The following PCNX2 variants were observed in gnomAD, a reference collection of about 807,000 sequenced individuals.
The protein encoded by PCNX2 is pecanex-like protein 2.
PCNX2 carries 168 observed loss-of-function variants against 223.8 expected under a neutral mutation model. The observed-to-expected ratio is 0.75, with a 90% CI of 0.66 to 0.85. The LOEUF (loss-of-function observed/expected upper bound fraction) is 0.85, where lower values mean the gene tolerates loss of function less well. Ranked by LOEUF, PCNX2 falls within the 40% of genes least tolerant of loss-of-function variation. PCNX2 has a pLI of 0.00. For synonymous variants in PCNX2, 1,006 were observed against 1,052.6 expected (o/e 0.96, Z 0.86); for missense variants, 2,507 against 2,675.5 (o/e 0.94, Z 1.39).
chr1:233,208,294 G>A (rs1681603553), intron 13 of PCNX2, among the ~76,000 whole-genome samples: 1 of 152,196 alleles, frequency 6.6e-6, no homozygotes, highest in South Asian at 2.1e-4. Context: ...TTATAGTGCT[G>A]CAACTTCTTG....
At chr1:233,068,467 TCTC>T (rs996124064) in intron 23 of PCNX2, among the ~76,000 whole-genome samples, 1 of 152,120 alleles carries the variant, frequency 6.6e-6, no homozygotes, top group Admixed American at 6.5e-5. Flanking sequence ...TAGACGTCCT[TCTC>T]CTCATGTGTC....
intron 12 of PCNX2, among the ~76,000 whole-genome samples, chr1:233,216,180 C>T (rs192012544): frequency 6.6e-6 from 1 of 152,246 alleles, no homozygotes; most frequent in Admixed American, 6.5e-5. Flanking sequence ...GCGGTGAACT[C>T]GGTACAGAGG....
intron 25 of PCNX2, among the ~76,000 whole-genome samples, chr1:233,044,092 T>C (rs574816361): frequency 0.083 from 12,640 of 152,054 alleles, 560 homozygotes; most frequent in African/African-American, 0.12. Context: ...TTTTTAATGA[T>C]TGCCATTCTA....
chr1:233,212,451 G>C (rs2102918680), intron 12 of PCNX2, among the ~76,000 whole-genome samples: 1 of 152,206 alleles, frequency 6.6e-6, no homozygotes, highest in East Asian at 1.9e-4. Context: ...GATTCTTTAA[G>C]CTTAGTTTAT....
chr1:233,237,387 C>G (rs1263141971), intron 8 of PCNX2, among the ~76,000 whole-genome samples: 1 of 152,110 alleles, frequency 6.6e-6, no homozygotes, highest in Non-Finnish European at 1.5e-5. Context: ...GAGATGAACA[C>G]CTCTGCTACC....
chr1:233,108,155 G>A (rs1184007882), intron 21 of PCNX2, among the ~76,000 whole-genome samples: 7 of 152,196 alleles, frequency 4.6e-5, no homozygotes, highest in Admixed American at 4.6e-4. Context: ...GGGCTGCGTT[G>A]TCTGTGGAGG....
chr1:233,310,903 GCT>G, the PCNX2 span, among the ~76,000 whole-genome samples: 1 of 152,086 alleles, frequency 6.6e-6, no homozygotes, highest in African/African-American at 2.4e-5. Flanking sequence ...CTAACAATCA[GCT>G]CTCTCATTAC....
chr1:233,017,675 C>G (rs945305392), intron 26 of PCNX2, among the ~76,000 whole-genome samples: 1 of 152,104 alleles, frequency 6.6e-6, no homozygotes, highest in African/African-American at 2.4e-5. Context: ...CATGAAATCC[C>G]TACAGATAGT....
intron 26 of PCNX2, among the ~76,000 whole-genome samples, chr1:233,017,757 G>A (rs894414303): frequency 1.3e-5 from 2 of 152,172 alleles, no homozygotes; most frequent in Admixed American, 1.3e-4. Context: ...CCTCTCTTAA[G>A]GGTTATCTTA....
At chr1:233,163,087 T>G (rs1678587497) in intron 17 of PCNX2, among the ~76,000 whole-genome samples, 1 of 152,172 alleles carries the variant, frequency 6.6e-6, no homozygotes, top group Non-Finnish European at 1.5e-5. Context: ...TACACAGCCT[T>G]TCTCTATTTA....
At chr1:233,109,885 C>A (rs930631560) in intron 21 of PCNX2, among the ~76,000 whole-genome samples, 4 of 152,252 alleles carry the variant, frequency 2.6e-5, no homozygotes, top group East Asian at 1.9e-4. Context: ...GAGGCCCAGG[C>A]GGGCAAATCA....
chr1:233,153,686 G>A (rs906584910), intron 19 of PCNX2, among the ~76,000 whole-genome samples: 35 of 152,238 alleles, frequency 2.3e-4, no homozygotes, highest in Middle Eastern at 3.4e-3. Context: ...AGCAGAACAC[G>A]CACATGATCA....
intron 23 of PCNX2, among the ~76,000 whole-genome samples, chr1:233,058,669 T>C (rs1028054488): frequency 1.4e-5 from 2 of 143,018 alleles, no homozygotes; most frequent in South Asian, 2.4e-4. Flanking sequence ...TCTTTTCTTT[T>C]TTTTTTTTTT....
At chr1:233,038,474 C>A (rs1003169164) in intron 25 of PCNX2, among the ~76,000 whole-genome samples, 1 of 152,214 alleles carries the variant, frequency 6.6e-6, no homozygotes, top group Non-Finnish European at 1.5e-5. Flanking sequence ...TCACGTTCAG[C>A]AAGAAGCCCT....
chr1:233,086,888 G>T, intron 23 of PCNX2: 2 of 425,642 alleles, frequency 4.7e-6, no homozygotes, highest in Non-Finnish European at 6.3e-6. Flanking sequence ...GCCACTGCAG[G>T]CTTTTGAGGA....
At chr1:233,260,300 T>C (rs566138083) in intron 4 of PCNX2, among the ~76,000 whole-genome samples, 20 of 152,236 alleles carry the variant, frequency 1.3e-4, no homozygotes, top group African/African-American at 4.6e-4. Context: ...AAGTAAAAAA[T>C]AGAAAATTAT....
intron 10 of PCNX2, among the ~76,000 whole-genome samples, chr1:233,218,670 T>C (rs1657178337): frequency 2.0e-5 from 3 of 152,208 alleles, no homozygotes; most frequent in Admixed American, 2.0e-4. Flanking sequence ...CTTTCTTTCC[T>C]TATTCCTCAT....
chr1:233,295,919 CCTCT>C (rs146389303), upstream of PCNX2, among the ~76,000 whole-genome samples: 34,125 of 145,726 alleles, frequency 0.23, 5,035 homozygotes, highest in East Asian at 0.42. This position sits in a 1 kb window ranked among gnomAD's most constrained non-coding sequence, Gnocchi z 4.1. Context: ...CTCCTCCCTC[CCTCT>C]CTCTCTCTTT....
chr1:233,020,004 T>A (rs1670824142), intron 26 of PCNX2, among the ~76,000 whole-genome samples: 1 of 152,192 alleles, frequency 6.6e-6, no homozygotes, highest in Non-Finnish European at 1.5e-5. Flanking sequence ...CTAGTTTTTC[T>A]GCAACATGGC....
Sources: gnomAD v4.1 joint callset for allele counts (sites outside exome capture counted in the v4.1 genomes callset) on GRCh38, gnomAD v4.1.1 for gene constraint, Gnocchi (gnomAD v3.1) non-coding constraint, MANE v1.5 for transcripts, NCBI Gene and HGNC (gene_info 2026-07-23, HGNC 2026-07-21) for gene names.